DOCK8: variants seen among roughly 807,000 people sequenced by gnomAD.
DOCK8 encodes dedicator of cytokinesis protein 8.
Under a neutral mutation model 245.6 loss-of-function variants are expected in DOCK8, and 141 were observed. The ratio of observed to expected loss-of-function variants is 0.57; its 90% CI spans 0.50 to 0.66. The LOEUF (loss-of-function observed/expected upper bound fraction) is 0.66. Ranked by LOEUF, DOCK8 falls within the 30% of genes least tolerant of loss-of-function variation. The pLI is 0.00. For missense variants in DOCK8, 2,965 were observed against 2,603.4 expected, an observed-to-expected ratio of 1.14 and a Z score of -3.02; for synonymous variants, 1,168 against 970.2, an observed-to-expected ratio of 1.20 and a Z score of -3.79.
chr9:376,192 T>A lies in DOCK8; in HGVS notation c.2110-18T>A, dbSNP rs2053508199. On this transcript the variant is annotated intron_variant, in intron 18 of 47. Transcript: ENST00000432829. ...AGGGAATTGGATTGCTAATCTTTTTTTTTTCTCTTTAACACAGAAAGTCCC... is the reference window on the plus strand; with the variant it reads ...AGGGAATTGGATTGCTAATCTTTTTATTTTCTCTTTAACACAGAAAGTCCC... 6.4e-7 allele frequency: 1 copy of A among 1,559,642 alleles called. No homozygotes were observed. Among genetic ancestry groups the A allele is most frequent in the African/African-American group, 1.4e-5 (1 of 73,794 alleles).
intron 26 of DOCK8, 40 bp from the exon 27 acceptor site, chr9:404,878 G>A: frequency 1.2e-6 from 2 of 1,611,794 alleles, no homozygotes; most frequent in Non-Finnish European, 1.7e-6. Context: ...CACTTACCTT[G>A]TAATAAATGT....
chr9:297,402 C>G (rs1189720339), intron 4 of DOCK8, among the ~76,000 whole-genome samples: 1 of 152,136 alleles, frequency 6.6e-6, no homozygotes, highest in Non-Finnish European at 1.5e-5. Context: ...CGCGCTTGGT[C>G]TTTGGATTGT....
chr9:383,166 G>A (rs919883339), intron 22 of DOCK8, among the ~76,000 whole-genome samples: 3 of 152,086 alleles, frequency 2.0e-5, no homozygotes, highest in Admixed American at 6.5e-5. Flanking sequence ...TTGGGAGGCC[G>A]AGGCGGGCGG....
intron 12 of DOCK8, 86 bp from the exon 13 acceptor site, chr9:338,920 A>C: frequency 9.2e-7 from 1 of 1,091,768 alleles, no homozygotes; most frequent in Non-Finnish European, 1.4e-6. Context: ...ATAAAACTTA[A>C]AGGTAAAAAT....
chr9:289,756 A>G (rs947767600), intron 4 of DOCK8, among the ~76,000 whole-genome samples, 175 bp downstream of exon 4: 1 of 152,196 alleles, frequency 6.6e-6, no homozygotes, highest in South Asian at 2.1e-4. Flanking sequence ...AGTTCCCCCT[A>G]TTATGAACAT....
In DOCK8 at chr9:304,985, G is replaced by A. The variant is rs532857372; in HGVS notation, c.528+281G>A. 3.8e-4 allele frequency among the ~76,000 whole-genome samples: 58 copies of A among 152,268 alleles called. No individual in the cohort carries two copies. In the South Asian group the frequency reaches 0.012, roughly 32 times the overall value. ...TGGGCCCATCCCTACGACAGTTCCTGCAGAGACTCTTGGTGCCCCTAAGGC... is the reference window on the plus strand; with the variant it reads ...TGGGCCCATCCCTACGACAGTTCCTACAGAGACTCTTGGTGCCCCTAAGGC... On this transcript the variant is annotated intron_variant, in intron 5 of 47. Transcript: ENST00000432829.
At chr9:304,442 A>C in intron 4 of DOCK8, 139 bp from the exon 5 acceptor site, 1 of 1,125,038 alleles carries the variant, frequency 8.9e-7, no homozygotes, top group Non-Finnish European at 1.3e-6. Flanking sequence ...ATTAAATGTG[A>C]GGAATTATAA....
intron 42 of DOCK8, 124 bp downstream of exon 42, chr9:442,133 TC>T (rs1424418385): frequency 2.1e-6 from 3 of 1,398,692 alleles, no homozygotes; most frequent in Admixed American, 3.8e-5. Context: ...CATAAAGTTT[TC>T]CCCTTTGCAT....
intron 21 of DOCK8, among the ~76,000 whole-genome samples, chr9:381,717 T>G (rs1165334131): frequency 6.6e-6 from 1 of 152,126 alleles, no homozygotes; most frequent in Non-Finnish European, 1.5e-5. Context: ...CCTAGCACTT[T>G]GGGAGGCCAA....
chr9:304,813 T>C, intron 5 of DOCK8, 109 bp downstream of exon 5: 1 of 1,469,828 alleles, frequency 6.8e-7, no homozygotes, highest in Non-Finnish European at 9.5e-7. Context: ...AAAGTTTGAG[T>C]AGGAGGAACT....
At chr9:444,262 C>T (rs746921939) in intron 43 of DOCK8, among the ~76,000 whole-genome samples, 8 of 151,820 alleles carry the variant, frequency 5.3e-5, no homozygotes, top group Non-Finnish European at 1.0e-4. Flanking sequence ...AGGCCAGCCA[C>T]GCTTCTGATC....
chr9:391,168 C>G (rs780268675), intron 24 of DOCK8, among the ~76,000 whole-genome samples: 2 of 152,180 alleles, frequency 1.3e-5, no homozygotes, highest in Non-Finnish European at 2.9e-5. Flanking sequence ...CTCCGCACCC[C>G]CAACACACAC....
chr9:411,831 A>G (rs7028714), intron 28 of DOCK8, among the ~76,000 whole-genome samples: 57,967 of 152,044 alleles, frequency 0.38, 11,313 homozygotes, highest in East Asian at 0.52. Flanking sequence ...AAAGGACAAA[A>G]CCCATACAAT....
intron 14 of DOCK8, chr9:340,571 A>G (rs1412713586): frequency 1.1e-5 from 5 of 441,452 alleles, no homozygotes; most frequent in African/African-American, 1.0e-4. Flanking sequence ...CAGTGAGCCA[A>G]GATTGCACTA....
intron 18 of DOCK8, among the ~76,000 whole-genome samples, chr9:374,937 C>G (rs1388675313): frequency 1.3e-5 from 2 of 152,110 alleles, no homozygotes; most frequent in Non-Finnish European, 2.9e-5. Context: ...TCTGTTCACT[C>G]TGGAGATTGT....
In DOCK8 at chr9:405,346, A is replaced by G. The variant is rs2055362937; in HGVS notation, c.3390+273A>G. 2.0e-5 allele frequency among the ~76,000 whole-genome samples: 3 copies of G among 152,238 alleles called. No homozygotes were observed. The South Asian group carries it at 6.2e-4, about 32-fold the overall frequency. On this transcript the variant is annotated intron_variant, in intron 27 of 47. Transcript: ENST00000432829. The stretch of plus-strand genomic sequence containing the variant: ...CCTATGAAATTTAGAAACTCATAGA[A>G]AAGTCTCAAATCTTCCTTTGTCTGA...
At chr9:365,856 A>G (rs1273260914) in intron 14 of DOCK8, 1 of 339,182 alleles carries the variant, frequency 2.9e-6, no homozygotes, top group East Asian at 7.6e-5. Flanking sequence ...TACCCCACAC[A>G]CATCCCTGCA....
intron 28 of DOCK8, among the ~76,000 whole-genome samples, chr9:411,024 C>A (rs2055699056): frequency 6.6e-6 from 1 of 152,044 alleles, no homozygotes; most frequent in Non-Finnish European, 1.5e-5. Context: ...AAATTGACTC[C>A]AAGAAGATAT....
At position 287,256 on chromosome 9, in the gene DOCK8, A is replaced by G. The variant is rs902672315; in HGVS notation, c.332+620A>G. The stretch of plus-strand genomic sequence containing the variant: ...ATAGCTAATTAGGGCTTGAGTTTCT[A>G]TAGTTGGCTCTTCTATATGTTTATA... On this transcript the variant is annotated intron_variant, in intron 3 of 47. Coordinates refer to ENST00000432829, the MANE Select transcript of DOCK8 (RefSeq NM_203447.4). Among the ~76,000 whole-genome samples the G allele has an allele frequency of 2.0e-5, 3 of 152,300 alleles. No individual in the cohort carries two copies. The East Asian group carries it at 5.8e-4, about 29-fold the overall frequency.
Sources: allele counts gnomAD v4.1 joint callset (sites outside exome capture counted in the v4.1 genomes callset), GRCh38; gene constraint gnomAD v4.1.1; transcripts MANE v1.5; gene names NCBI Gene and HGNC (gene_info 2026-07-23, HGNC 2026-07-21).